CD163L1: variants seen among roughly 807,000 people sequenced by gnomAD.
CD163L1 encodes the protein CD163 molecule like 1.
Under a neutral mutation model 165.4 loss-of-function variants are expected in CD163L1, and 124 were observed. The observed-to-expected ratio is 0.75, with a 90% CI of 0.65 to 0.87. The LOEUF is 0.87. CD163L1 is among the 40% of genes least tolerant of loss of function. CD163L1 has a pLI of 0.00. For missense variants in CD163L1, 1,525 were observed against 1,799.9 expected (o/e 0.85, Z 2.76); for synonymous variants, 585 against 662.2 (o/e 0.88, Z 1.79).
At chr12:7,442,984 T>C (rs965181016) in intron 1 of CD163L1, among the ~76,000 whole-genome samples, 1 of 152,182 alleles carries the variant, frequency 6.6e-6, no homozygotes, top group African/African-American at 2.4e-5. Context: ...TCTCACCAAT[T>C]CAAGACCTTC....
At chr12:7,439,778 C>T in intron 2 of CD163L1, 1 of 1,613,724 alleles carries the variant, frequency 6.2e-7, no homozygotes, top group Non-Finnish European at 8.5e-7. Flanking sequence ...ATTTCACCCC[C>T]CTCGATCTTT....
intron 2 of CD163L1, chr12:7,439,676 C>A: frequency 1.9e-6 from 3 of 1,612,856 alleles, no homozygotes; most frequent in East Asian, 4.5e-5. Flanking sequence ...TTCCTAAATT[C>A]AAGAAGCACT....
chr12:7,423,087 T>C (rs1948469448), intron 4 of CD163L1, among the ~76,000 whole-genome samples: 1 of 151,882 alleles, frequency 6.6e-6, no homozygotes, highest in African/African-American at 2.4e-5. Flanking sequence ...AAATAAACAC[T>C]CCTCAGCAAA....
At chr12:7,328,151 T>G in the CD163L1 span, 2 of 588,606 alleles carry the variant, frequency 3.4e-6, no homozygotes, top group Non-Finnish European at 5.8e-6. Context: ...CTGGTGTCCA[T>G]GAAATTCAAT....
At chr12:7,440,132 G>T in intron 2 of CD163L1, 1 of 695,838 alleles carries the variant, frequency 1.4e-6, no homozygotes, top group Non-Finnish European at 2.5e-6. Context: ...GCGCCAGCGT[G>T]GCCACGTCCC....
chr12:7,399,301 CT>C (rs368931104), intron 6 of CD163L1, among the ~76,000 whole-genome samples: 1 of 47,464 alleles, frequency 2.1e-5, no homozygotes, highest in African/African-American at 4.3e-4. Flanking sequence ...TCTTTCTCTC[CT>C]TTCTTTCTTT....
intron 2 of CD163L1, chr12:7,439,574 C>T: frequency 6.3e-7 from 1 of 1,584,192 alleles, no homozygotes; most frequent in Non-Finnish European, 8.6e-7. Context: ...CTTTGCTGAC[C>T]GCTATCAGAG....
intron 6 of CD163L1, among the ~76,000 whole-genome samples, chr12:7,401,320 T>C (rs1947911763): frequency 1.3e-5 from 2 of 151,942 alleles, no homozygotes; most frequent in African/African-American, 4.8e-5. Flanking sequence ...AAAATCAGAT[T>C]CAGTTATTCT....
At chr12:7,344,437 C>T (rs989960757), downstream of CD163L1, among the ~76,000 whole-genome samples, 3 of 152,212 alleles carry the variant, frequency 2.0e-5, no homozygotes, top group Admixed American at 2.0e-4. Context: ...ACTTCATGTA[C>T]CACATCCTGG....
intron 18 of CD163L1, among the ~76,000 whole-genome samples, chr12:7,365,033 A>C (rs1946983536): frequency 1.3e-5 from 2 of 152,090 alleles, no homozygotes; most frequent in Admixed American, 1.3e-4. Context: ...TATACTACAA[A>C]ATTATAGTAA....
chr12:7,365,827 A>G (rs1947006498), intron 18 of CD163L1, among the ~76,000 whole-genome samples: 1 of 152,130 alleles, frequency 6.6e-6, no homozygotes, highest in South Asian at 2.1e-4. Flanking sequence ...ATAAATTAGG[A>G]TAGTCATTAT....
the CD163L1 span, chr12:7,326,937 AAAAC>A: frequency 6.5e-7 from 1 of 1,549,410 alleles, no homozygotes; most frequent in Non-Finnish European, 8.7e-7. Context: ...ATGTGTCTGA[AAAAC>A]AAATGAGCAA....
At chr12:7,330,956 T>G in the CD163L1 span, among the ~76,000 whole-genome samples, 9 of 152,148 alleles carry the variant, frequency 5.9e-5, no homozygotes, top group Non-Finnish European at 1.0e-4. Context: ...GTGGGTACAG[T>G]GCACCGTGCA....
chr12:7,367,829 C>G (rs1289914901), intron 17 of CD163L1, among the ~76,000 whole-genome samples: 1 of 152,218 alleles, frequency 6.6e-6, no homozygotes. Context: ...TTCCTTCTAT[C>G]AGCTAAGATA....
chr12:7,417,931 C>T (rs1333352427), intron 4 of CD163L1, among the ~76,000 whole-genome samples: 3 of 151,600 alleles, frequency 2.0e-5, no homozygotes, highest in African/African-American at 7.3e-5. Context: ...ATCAATAGGT[C>T]CTTACCTATC....
intron 18 of CD163L1, among the ~76,000 whole-genome samples, chr12:7,366,419 C>T (rs1249800690): frequency 6.6e-6 from 1 of 152,004 alleles, no homozygotes; most frequent in African/African-American, 2.4e-5. Flanking sequence ...AATAAAAAGA[C>T]AAATATTTGA....
Position 7,373,586 on chromosome 12 carries a change from C to A in CD163L1, c.3464G>T (p.Arg1155Ile). ...GGTCCCGTTATAGAAGACTTCCAAT[C>A]TCCCAGCACAGCTCTCTGTTTCAGT... is the stretch of plus-strand genomic sequence containing the variant. The part of the protein sequence containing the change: ...SETETESCAG[R>I]LEVFYNGTWG... The change falls in exon 14 of 20, where the codon AGA becomes ATA. Residue 1155 changes from arginine to isoleucine, a missense_variant. Arg to Ile is a moderately conservative substitution (Grantham distance 97). Coordinates refer to ENST00000313599, the MANE Select transcript of CD163L1 (RefSeq NM_174941.6). 7 of 1,613,596 alleles carry A rather than the reference C, an allele frequency of 4.3e-6. No individual in the cohort carries two copies. Among genetic ancestry groups the A allele is most frequent in the Non-Finnish European group, 5.9e-6 (7 of 1,179,618 alleles).
chr12:7,408,073 C>CTA (rs1283467846), intron 4 of CD163L1, among the ~76,000 whole-genome samples: 1 of 127,408 alleles, frequency 7.8e-6, no homozygotes, highest in Non-Finnish European at 1.5e-5. Context: ...AAACTGAACA[C>CTA]TACATATATA....
the CD163L1 span, chr12:7,324,321 A>T: frequency 2.5e-6 from 4 of 1,613,804 alleles, no homozygotes; most frequent in Non-Finnish European, 3.4e-6. Context: ...TTTTTATGTC[A>T]CTGGAGACAG....
Sources: allele counts gnomAD v4.1 joint callset (sites outside exome capture counted in the v4.1 genomes callset), GRCh38; gene constraint gnomAD v4.1.1; transcripts MANE v1.5; gene names NCBI Gene and HGNC (gene_info 2026-07-23, HGNC 2026-07-21).